Variants in FREM2 observed in about 807,000 individuals in gnomAD.
FREM2 encodes the protein FRAS1 related extracellular matrix 2.
A neutral mutation model predicts 219.9 loss-of-function variants in FREM2; 119 were observed. The ratio of observed to expected loss-of-function variants is 0.54; its 90% CI spans 0.47 to 0.63. The LOEUF (loss-of-function observed/expected upper bound fraction) is 0.63, where lower values mean the gene tolerates loss of function less well. Ranked by LOEUF, FREM2 falls within the 30% of genes least tolerant of loss-of-function variation. FREM2 has a pLI of 0.00. For missense variants in FREM2, 4,030 were observed against 3,993.6 expected, an observed-to-expected ratio of 1.01 and a Z score of -0.25; for synonymous variants, 1,562 against 1,522.8, an observed-to-expected ratio of 1.03 and a Z score of -0.60.
chr13:38,818,392 G>T (rs1875854963), intron 6 of FREM2, among the ~76,000 whole-genome samples: 2 of 152,074 alleles, frequency 1.3e-5, no homozygotes, highest in Non-Finnish European at 2.9e-5. Flanking sequence ...CAACATGGGT[G>T]AACCTGGAGG....
Position 38,688,173 on chromosome 13 carries a change from A to T in FREM2, c.829A>T (p.Arg277Trp). The T allele has an allele frequency of 6.2e-7, 1 of 1,613,626 alleles. No individual in the cohort carries two copies. The highest frequency in any genetic ancestry group is 1.1e-5 in the South Asian group (1 of 91,080). ...RHTAASRSPN[R>W]DWIPMVVELR... ...CACAGCCGCCAGTCGCTCACCAAACAGGGACTGGATACCCATGGTGGTGGA... is the reference window on the plus strand; with the variant it reads ...CACAGCCGCCAGTCGCTCACCAAACTGGGACTGGATACCCATGGTGGTGGA... Residue 277 changes from arginine (R) to tryptophan (W), a missense_variant, in exon 1 of 24, where the codon AGG becomes TGG. Coordinates refer to ENST00000280481, the MANE Select transcript of FREM2 (RefSeq NM_207361.6).
rs774641722 is a variant in FREM2, at chr13:38,688,323, A to T, written c.979A>T (p.Met327Leu). 5.6e-6 allele frequency: 9 copies of T among 1,614,164 alleles called. No individual in the cohort carries two copies. The South Asian group carries it at 9.9e-5, about 18-fold the overall frequency. Reference protein sequence around the residue: ...APKPSFVAMMMMEVDQFVLTA... With the variant: ...APKPSFVAMMLMEVDQFVLTA... ...CAAGCCCAGTTTCGTGGCCATGATG[A>T]TGATGGAGGTGGACCAGTTTGTACT... is the stretch of plus-strand genomic sequence containing the variant. The change falls in exon 1 of 24, where the codon ATG becomes TTG. Residue 327 changes from methionine (M) to leucine (L), a missense_variant. Transcript: ENST00000280481.
chr13:38,775,322 G>A (rs7996535), intron 4 of FREM2, among the ~76,000 whole-genome samples: 138,083 of 152,262 alleles, frequency 0.91, 62,646 homozygotes, highest in Middle Eastern at 0.93. Context: ...ACGATAGTAC[G>A]CTGCAGATGA....
chr13:38,864,640 G>A (rs770199380), intron 16 of FREM2, 34 bp downstream of exon 16: 83 of 1,575,036 alleles, frequency 5.3e-5, no homozygotes, highest in Non-Finnish European at 6.8e-5. Context: ...TTGGTCACTG[G>A]ATAAACCAAT....
Position 38,864,313 on chromosome 13 carries a change from T to G in FREM2, c.7690T>G (p.Phe2564Val), listed in dbSNP as rs1419510451. ...GATCTCCACTAGAGAGCTTTCCAAC[T>G]TTGAGCTCACCCTCAGCCCTGATGG... ...PVISTRELSN[F>V]ELTLSPDGTR... Residue 2564 changes from phenylalanine (F) to valine (V), a missense_variant, in exon 16 of 24, where the codon TTT (phenylalanine) becomes GTT (valine). Transcript: ENST00000280481. 5.0e-6 allele frequency: 8 copies of G among 1,614,208 alleles called. No homozygotes were observed. The highest frequency in any genetic ancestry group is 6.8e-6 in the Non-Finnish European group (8 of 1,180,020).
intron 3 of FREM2, among the ~76,000 whole-genome samples, chr13:38,767,957 GT>G (rs1456235241): frequency 1.3e-5 from 2 of 152,118 alleles, no homozygotes; most frequent in Non-Finnish European, 2.9e-5. Context: ...TAAAATAACA[GT>G]CATTGATATA....
At chr13:38,863,929 T>C (rs1877855570) in intron 15 of FREM2, among the ~76,000 whole-genome samples, 2 of 151,862 alleles carry the variant, frequency 1.3e-5, no homozygotes, top group African/African-American at 4.8e-5. Context: ...GCCTTCCGGG[T>C]TCAAGCAATT....
At chr13:38,813,824 A>G (rs1377518704) in intron 6 of FREM2, among the ~76,000 whole-genome samples, 2 of 151,484 alleles carry the variant, frequency 1.3e-5, no homozygotes, top group Admixed American at 1.3e-4. Flanking sequence ...TTTAAGGCCA[A>G]TAACTCTTAG....
chr13:38,793,044 T>C (rs1399416231), intron 6 of FREM2, among the ~76,000 whole-genome samples: 1 of 152,230 alleles, frequency 6.6e-6, no homozygotes, highest in East Asian at 1.9e-4. Context: ...AGATGGAATC[T>C]AGATAATGTT....
intron 6 of FREM2, among the ~76,000 whole-genome samples, chr13:38,796,227 T>G (rs1403724524): frequency 6.6e-6 from 1 of 152,090 alleles, no homozygotes; most frequent in Admixed American, 6.6e-5. Flanking sequence ...CCCTATGAGA[T>G]CCTCTGGAAC....
chr13:38,738,570 A>T (rs1316843132), intron 2 of FREM2, among the ~76,000 whole-genome samples: 14 of 145,190 alleles, frequency 9.6e-5, no homozygotes, highest in East Asian at 3.9e-4. Flanking sequence ...CATCTCAAAA[A>T]AAAAAAAAAA....
intron 16 of FREM2, among the ~76,000 whole-genome samples, chr13:38,871,811 A>AAT (rs1878168951): frequency 6.6e-6 from 1 of 152,216 alleles, no homozygotes; most frequent in East Asian, 1.9e-4. Context: ...GTAAGTACTC[A>AAT]ATATATAAAT....
chr13:38,862,902 A>G (rs1156390432), intron 15 of FREM2, among the ~76,000 whole-genome samples: 1 of 152,220 alleles, frequency 6.6e-6, no homozygotes, highest in Non-Finnish European at 1.5e-5. Context: ...CTTCTTTCAC[A>G]TAGTAGTGGC....
chr13:38,727,712 C>T (rs552241548), intron 2 of FREM2, among the ~76,000 whole-genome samples: 8 of 152,334 alleles, frequency 5.3e-5, no homozygotes, highest in East Asian at 3.9e-4. Flanking sequence ...CAAGTATCTA[C>T]GCAGTAAGTG....
intron 12 of FREM2, among the ~76,000 whole-genome samples, chr13:38,857,006 T>C (rs538163994): frequency 1.3e-5 from 2 of 152,296 alleles, no homozygotes; most frequent in South Asian, 4.1e-4. Flanking sequence ...TACTGCTTGA[T>C]GGTTTTTCTA....
chr13:38,829,364 C>T (rs1240332939), intron 6 of FREM2, among the ~76,000 whole-genome samples: 1 of 152,062 alleles, frequency 6.6e-6, no homozygotes, highest in African/African-American at 2.4e-5. Context: ...GAAATGAGGC[C>T]CTTTCAGCCT....
At chr13:38,695,188 T>G (rs977014007) in intron 1 of FREM2, among the ~76,000 whole-genome samples, 2 of 152,210 alleles carry the variant, frequency 1.3e-5, no homozygotes, top group Non-Finnish European at 2.9e-5. Flanking sequence ...CATTTATATA[T>G]ACATAAATAT....
intron 2 of FREM2, among the ~76,000 whole-genome samples, chr13:38,754,201 C>T (rs1478980770): frequency 6.6e-6 from 1 of 152,038 alleles, no homozygotes; most frequent in Non-Finnish European, 1.5e-5. Context: ...TAAATCCTAG[C>T]TTGCGTTAAT....
chr13:38,792,774 T>A (rs1390373990), intron 6 of FREM2, among the ~76,000 whole-genome samples: 1 of 27,320 alleles, frequency 3.7e-5, no homozygotes, highest in Non-Finnish European at 1.2e-4. Context: ...GATTTGGGAT[T>A]TTTTTTTAAT....
Sources: gnomAD v4.1 joint callset for allele counts (sites outside exome capture counted in the v4.1 genomes callset) on GRCh38, gnomAD v4.1.1 for gene constraint, MANE v1.5 for transcripts, NCBI Gene and HGNC (gene_info 2026-07-23, HGNC 2026-07-21) for gene names.